PLD5: variants seen among roughly 807,000 people sequenced by gnomAD.
The protein encoded by PLD5 is phospholipase D family member 5, also known as inactive phospholipase D5.
Under a neutral mutation model 61.1 loss-of-function variants are expected in PLD5, and 36 were observed. The observed-to-expected ratio is 0.59, with a 90% CI of 0.45 to 0.78. The LOEUF is 0.78. Among genes scored for constraint, PLD5 ranks in the 30% least tolerant of loss-of-function variants. PLD5 has a pLI of 0.00. For missense variants in PLD5, 515 were observed against 644.4 expected, an observed-to-expected ratio of 0.80 and a Z score of 2.17; for synonymous variants, 243 against 242.8, an observed-to-expected ratio of 1.00 and a Z score of -0.01.
At chr1:242,412,742 T>C (rs551509893) in intron 1 of PLD5, among the ~76,000 whole-genome samples, 47 of 152,346 alleles carry the variant, frequency 3.1e-4, no homozygotes, top group Non-Finnish European at 6.0e-4. Flanking sequence ...GATTCCAGTT[T>C]TTGGCTATTG....
intron 4 of PLD5, among the ~76,000 whole-genome samples, chr1:242,263,388 A>C (rs188456739): frequency 6.6e-6 from 1 of 152,016 alleles, no homozygotes; most frequent in Non-Finnish European, 1.5e-5. Flanking sequence ...CTTAAGCAAG[A>C]TATTCAATCA....
intron 1 of PLD5, among the ~76,000 whole-genome samples, chr1:242,499,693 G>C (rs1462986572): frequency 6.6e-6 from 1 of 152,198 alleles, no homozygotes; most frequent in East Asian, 1.9e-4. Flanking sequence ...AAGTGTTCCA[G>C]TTACCCATAG....
chr1:242,380,715 AAAC>A (rs1411394398), intron 1 of PLD5, among the ~76,000 whole-genome samples: 1 of 152,196 alleles, frequency 6.6e-6, no homozygotes, highest in Non-Finnish European at 1.5e-5. Context: ...AGAGAAAAAA[AAAC>A]AACTCCATTA....
At chr1:242,254,573 G>C (rs1193398446) in intron 4 of PLD5, among the ~76,000 whole-genome samples, 1 of 152,130 alleles carries the variant, frequency 6.6e-6, no homozygotes, top group Non-Finnish European at 1.5e-5. Flanking sequence ...AGGAGGCTGA[G>C]GCAGAAGAAT....
Position 242,394,164 on chromosome 1 carries a change from A to G in PLD5, c.190-45922T>C, listed in dbSNP as rs558219557. Among the ~76,000 whole-genome samples, 5 of 84,500 alleles carry G rather than the reference A, an allele frequency of 5.9e-5. 2 individuals carry two copies. Among genetic ancestry groups the G allele is most frequent in the East Asian group, 2.9e-4 (1 of 3,426 alleles). 55.4% of individuals were successfully genotyped at this position (84,500 alleles called of 152,430 possible). A position where few individuals can be genotyped will look rare whatever the true frequency, so the allele number is the denominator to read the frequency against. The stretch of plus-strand genomic sequence containing the variant: ...TATATATATGTGTATATATATGAGT[A>G]TATATATGTGTATATATGAGTATAT... On this transcript the variant is annotated intron_variant, in intron 1 of 9. Coordinates refer to ENST00000536534, the MANE Select transcript of PLD5 (RefSeq NM_001372062.1).
intron 6 of PLD5, among the ~76,000 whole-genome samples, chr1:242,115,206 A>G (rs564072192): frequency 1.4e-4 from 22 of 151,986 alleles, no homozygotes; most frequent in Non-Finnish European, 3.1e-4. Context: ...AAGAAAAAAG[A>G]AAGTGCACAA....
intron 5 of PLD5, among the ~76,000 whole-genome samples, chr1:242,138,819 A>T (rs1488086073): frequency 6.6e-6 from 1 of 152,080 alleles, no homozygotes; most frequent in East Asian, 1.9e-4. Flanking sequence ...CTTTACACAC[A>T]CTGAAGGACC....
At chr1:242,410,450 T>G (rs1664486927) in intron 1 of PLD5, among the ~76,000 whole-genome samples, 1 of 152,202 alleles carries the variant, frequency 6.6e-6, no homozygotes, top group Non-Finnish European at 1.5e-5. Context: ...GCTTTGAACT[T>G]ACTCCTTCAT....
intron 1 of PLD5, among the ~76,000 whole-genome samples, chr1:242,362,240 T>C (rs1661108829): frequency 6.6e-6 from 1 of 152,106 alleles, no homozygotes; most frequent in Non-Finnish European, 1.5e-5. Flanking sequence ...ATGAAAAATA[T>C]GCAAACTGGG....
At chr1:242,458,809 C>G (rs7542412) in intron 1 of PLD5, among the ~76,000 whole-genome samples, 2,735 of 152,172 alleles carry the variant, frequency 0.018, 79 homozygotes, top group African/African-American at 0.06. Flanking sequence ...GAGCCAGAGA[C>G]GGTATTTGGC....
At chr1:242,266,841 G>C (rs1673707925) in intron 3 of PLD5, among the ~76,000 whole-genome samples, 1 of 152,202 alleles carries the variant, frequency 6.6e-6, no homozygotes, top group South Asian at 2.1e-4. Context: ...AGCTGGCCGG[G>C]TGCGTAGCCT....
At chr1:242,321,873 G>A (rs1366905446) in intron 2 of PLD5, among the ~76,000 whole-genome samples, 1 of 152,038 alleles carries the variant, frequency 6.6e-6, no homozygotes, top group Non-Finnish European at 1.5e-5. Context: ...GAGGGTGAAG[G>A]GAAAGTTCTC....
chr1:242,315,864 C>T (rs1676975050), intron 2 of PLD5, among the ~76,000 whole-genome samples: 2 of 152,074 alleles, frequency 1.3e-5, no homozygotes, highest in East Asian at 1.9e-4. Flanking sequence ...CCACTTACCT[C>T]GGGAAAATTA....
intron 4 of PLD5, among the ~76,000 whole-genome samples, chr1:242,241,930 ACGCT>A (rs1169343281): frequency 1.5e-5 from 2 of 134,940 alleles, no homozygotes; most frequent in African/African-American, 5.5e-5. Context: ...ATATATATAT[ACGCT>A]TATATATATA....
Position 242,246,478 on chromosome 1 carries a change from AACACACAC to A in PLD5, c.607+18851_607+18858del, listed in dbSNP as rs34723926. On this transcript the variant is annotated intron_variant, in intron 4 of 9. Transcript: ENST00000536534. ...CACCCTATACTTGCATAGAAAAGAC[AACACACAC>A]ACACACACACACACACACACACACA... 5.6e-3 allele frequency among the ~76,000 whole-genome samples: 785 copies of A among 141,206 alleles called. 6 individuals are homozygous for A. The highest frequency in any genetic ancestry group is 0.015 in the African/African-American group (576 of 37,722). The allele number at this position is 141,206 out of a possible 152,430, so 92.6% of individuals were successfully genotyped here. A position where few individuals can be genotyped will look rare whatever the true frequency, so the allele number is the denominator to read the frequency against.
At chr1:242,124,253 T>C (rs979248235) in intron 6 of PLD5, among the ~76,000 whole-genome samples, 3 of 152,162 alleles carry the variant, frequency 2.0e-5, no homozygotes, top group Non-Finnish European at 4.4e-5. Context: ...ATCAGATAAC[T>C]CAAGGTATCT....
chr1:242,417,872 A>C (rs1323719649), intron 1 of PLD5, among the ~76,000 whole-genome samples: 1 of 152,206 alleles, frequency 6.6e-6, no homozygotes, highest in Non-Finnish European at 1.5e-5. Flanking sequence ...AGGCTCCTGC[A>C]GGACCTTGTA....
intron 2 of PLD5, among the ~76,000 whole-genome samples, chr1:242,346,401 G>T (rs1023354760): frequency 1.3e-4 from 20 of 152,052 alleles, no homozygotes; most frequent in Non-Finnish European, 2.6e-4. Flanking sequence ...CTAGGTGTTC[G>T]AGTTTGCATT....
intron 2 of PLD5, among the ~76,000 whole-genome samples, chr1:242,336,048 G>A (rs905152584): frequency 1.3e-5 from 2 of 152,218 alleles, no homozygotes; most frequent in African/African-American, 4.8e-5. Flanking sequence ...GCACGCCACA[G>A]GTGAAGAAGT....
Sources: allele counts gnomAD v4.1 joint callset (sites outside exome capture counted in the v4.1 genomes callset), GRCh38; gene constraint gnomAD v4.1.1; transcripts MANE v1.5; gene names NCBI Gene and HGNC (gene_info 2026-07-23, HGNC 2026-07-21).